The following ENTREP2 variants were observed in gnomAD, a reference collection of about 807,000 sequenced individuals.
The protein encoded by ENTREP2 is protein ENTREP2.
chr15:29,592,215 G>T, the ENTREP2 span, among the ~76,000 whole-genome samples: 4 of 152,186 alleles, frequency 2.6e-5, no homozygotes, highest in Admixed American at 6.5e-5. Context: ...CTCAAGCCAG[G>T]TCTGATCTTT....
the ENTREP2 span, among the ~76,000 whole-genome samples, chr15:29,158,764 T>C: frequency 1.3e-5 from 2 of 152,184 alleles, no homozygotes; most frequent in Admixed American, 6.5e-5. Context: ...TGAGTTTTGC[T>C]ACTGGATATT....
At chr15:29,137,283 C>A in the ENTREP2 span, 1 of 1,216,310 alleles carries the variant, frequency 8.2e-7, no homozygotes. Flanking sequence ...CTTTAATGAT[C>A]AGTTTGGAAT....
chr15:29,518,560 C>T, the ENTREP2 span, among the ~76,000 whole-genome samples: 1 of 152,118 alleles, frequency 6.6e-6, no homozygotes, highest in African/African-American at 2.4e-5. Flanking sequence ...CAGGACAGTC[C>T]TTCTGGACCC....
At chr15:29,493,725 C>T in the ENTREP2 span, among the ~76,000 whole-genome samples, 2 of 152,102 alleles carry the variant, frequency 1.3e-5, no homozygotes, top group African/African-American at 4.8e-5. Context: ...CCTGTAATCC[C>T]AGCACTTTCG....
the ENTREP2 span, among the ~76,000 whole-genome samples, chr15:29,440,064 A>G: frequency 6.6e-6 from 1 of 152,196 alleles, no homozygotes; most frequent in Non-Finnish European, 1.5e-5. Flanking sequence ...CATATACTTC[A>G]AAGTGTCAAG....
At chr15:29,222,043 G>C in the ENTREP2 span, among the ~76,000 whole-genome samples, 2 of 152,174 alleles carry the variant, frequency 1.3e-5, no homozygotes, top group African/African-American at 2.4e-5. Flanking sequence ...TCTTGGATAG[G>C]GGCTGGGTAA....
chr15:29,646,399 T>A, the ENTREP2 span, among the ~76,000 whole-genome samples: 1 of 152,204 alleles, frequency 6.6e-6, no homozygotes, highest in Non-Finnish European at 1.5e-5. Context: ...CATACAGTTG[T>A]AGGACTGGGG....
At chr15:29,233,113 G>T in the ENTREP2 span, among the ~76,000 whole-genome samples, 1 of 152,082 alleles carries the variant, frequency 6.6e-6, no homozygotes, top group African/African-American at 2.4e-5. Flanking sequence ...ATTTCATCAG[G>T]CTCTATTCAA....
chr15:29,381,455 C>CAAAAAAAAA, the ENTREP2 span, among the ~76,000 whole-genome samples: 2 of 44,300 alleles, frequency 4.5e-5, no homozygotes, highest in African/African-American at 1.6e-4. Context: ...GACTCTGTCT[C>CAAAAAAAAA]AAAAAAAAAA....
chr15:29,290,561 G>A, the ENTREP2 span, among the ~76,000 whole-genome samples: 1 of 152,220 alleles, frequency 6.6e-6, no homozygotes, highest in Non-Finnish European at 1.5e-5. Flanking sequence ...TTGGGAGAAT[G>A]AGAATTTTGC....
At chr15:29,523,561 A>ATC in the ENTREP2 span, among the ~76,000 whole-genome samples, 114 of 78,510 alleles carry the variant, frequency 1.5e-3, 1 homozygote, top group African/African-American at 5.9e-3. Flanking sequence ...TCCCAGCTAG[A>ATC]TTTTTTTTTT....
At chr15:29,480,332 C>T in the ENTREP2 span, among the ~76,000 whole-genome samples, 1 of 86,218 alleles carries the variant, frequency 1.2e-5, no homozygotes, top group East Asian at 4.5e-4. Flanking sequence ...AGACCATTCA[C>T]TATAGCAAAA....
At chr15:29,553,352 C>T in the ENTREP2 span, among the ~76,000 whole-genome samples, 1 of 152,138 alleles carries the variant, frequency 6.6e-6, no homozygotes, top group Admixed American at 6.6e-5. Context: ...TAAATCAATT[C>T]ATAAATTTAC....
At chr15:29,582,804 A>AATC in the ENTREP2 span, among the ~76,000 whole-genome samples, 8 of 152,062 alleles carry the variant, frequency 5.3e-5, no homozygotes, top group African/African-American at 1.9e-4. Context: ...GGCAGGCGCC[A>AATC]CCACGCCTGG....
chr15:29,594,127 C>T, the ENTREP2 span, among the ~76,000 whole-genome samples: 1 of 152,118 alleles, frequency 6.6e-6, no homozygotes, highest in Non-Finnish European at 1.5e-5. Flanking sequence ...ATAAAAATTT[C>T]TTCCTGACCT....
chr15:29,516,525 A>C, the ENTREP2 span, among the ~76,000 whole-genome samples: 1 of 152,270 alleles, frequency 6.6e-6, no homozygotes, highest in East Asian at 1.9e-4. Flanking sequence ...TATAGTAAAA[A>C]GCATAAAAAC....
chr15:29,596,216 T>C, the ENTREP2 span, among the ~76,000 whole-genome samples: 5 of 152,330 alleles, frequency 3.3e-5, no homozygotes, highest in East Asian at 9.6e-4. Flanking sequence ...TATGTAACCA[T>C]TTATAGATAT....
the ENTREP2 span, among the ~76,000 whole-genome samples, chr15:29,674,671 C>A: frequency 6.7e-6 from 1 of 148,704 alleles, no homozygotes; most frequent in Non-Finnish European, 1.5e-5. Flanking sequence ...AGTAAAAGAA[C>A]GGGCACTTTT....
chr15:29,283,554 C>T, the ENTREP2 span, among the ~76,000 whole-genome samples: 4,856 of 152,148 alleles, frequency 0.032, 140 homozygotes, highest in African/African-American at 0.072. Flanking sequence ...GGGATTTTAG[C>T]TATCATAGCC....
Sources: gnomAD v4.1 joint callset for allele counts (sites outside exome capture counted in the v4.1 genomes callset) on GRCh38, gnomAD v4.1.1 for gene constraint, MANE v1.5 for transcripts, NCBI Gene and HGNC (gene_info 2026-07-23, HGNC 2026-07-21) for gene names.